Variants in MTHFD1 observed in about 807,000 individuals in gnomAD.
MTHFD1 encodes methylenetetrahydrofolate dehydrogenase, cyclohydrolase and formyltetrahydrofolate synthetase 1.
In MTHFD1, 44 loss-of-function variants were observed where a neutral mutation model predicts 110.3. The observed-to-expected ratio is 0.40, with a 90% CI of 0.31 to 0.51. MTHFD1 has a LOEUF of 0.51. Among genes scored for constraint, MTHFD1 ranks in the 20% least tolerant of loss-of-function variants. The probability of loss-of-function intolerance (pLI) is 0.60; values close to 1 mark genes in which losing one functional copy is unlikely to be tolerated. For missense variants in MTHFD1, 909 were observed against 1,173.1 expected (o/e 0.77, Z 3.29); for synonymous variants, 402 against 428.8 (o/e 0.94, Z 0.77).
chr14:64,450,830 CCTG>C (rs545751844), intron 24 of MTHFD1, among the ~76,000 whole-genome samples: 4,374 of 152,182 alleles, frequency 0.029, 188 homozygotes, highest in African/African-American at 0.1. Flanking sequence ...ACCTCAGCCC[CCTG>C]AGTAGGTGGG....
In MTHFD1 at chr14:64,429,093, G is replaced by T. The variant is rs116188654; in HGVS notation, c.1265-1091G>T. The stretch of plus-strand genomic sequence containing the variant: ...CCTAAAATCCCAGCACTTTGGGAGG[G>T]TGAGGTGGTAGATTACTTGAGGCCA... On this transcript the variant is annotated intron_variant, in intron 12 of 27. Coordinates refer to ENST00000652337, the MANE Select transcript of MTHFD1 (RefSeq NM_005956.4). Among the ~76,000 whole-genome samples, 1,359 of 151,026 alleles carry T rather than the reference G, an allele frequency of 9.0e-3. 17 individuals are homozygous for T. The highest frequency in any genetic ancestry group is 0.032 in the African/African-American group (1,310 of 41,122).
intron 22 of MTHFD1, 55 bp from the exon 23 acceptor site, chr14:64,448,162 C>G: frequency 7.6e-7 from 1 of 1,311,908 alleles, no homozygotes; most frequent in Admixed American, 1.7e-5. Flanking sequence ...GAAGAAGAAC[C>G]TGCAGTGGTT....
intron 22 of MTHFD1, chr14:64,445,103 C>G (rs945187598): frequency 2.8e-6 from 1 of 359,326 alleles, no homozygotes; most frequent in Non-Finnish European, 5.4e-6. Context: ...GGCTAAACAT[C>G]CTTTAATGCA....
chr14:64,440,463 G>T, intron 18 of MTHFD1, 197 bp downstream of exon 18: 1 of 685,970 alleles, frequency 1.5e-6, no homozygotes. Flanking sequence ...TAGCTGGTAT[G>T]CTTTAGTAAT....
At position 64,388,508 on chromosome 14, in the gene MTHFD1, C is replaced by G. The variant is rs772772204; in HGVS notation, c.41+40C>G. Reference sequence around the variant, plus strand: ...TTGTTGTTGAGTGTGGGGCTGTGGACGAGGGCTCTGAGGGTGTGCAGGTCC... The same window carrying G: ...TTGTTGTTGAGTGTGGGGCTGTGGAGGAGGGCTCTGAGGGTGTGCAGGTCC... On this transcript the variant is annotated intron_variant, in intron 1 of 27. Coordinates refer to ENST00000652337, the MANE Select transcript of MTHFD1 (RefSeq NM_005956.4). 5.0e-6 allele frequency: 8 copies of G among 1,592,482 alleles called. No homozygotes were observed. In the African/African-American group the frequency reaches 5.4e-5, roughly 11 times the overall value.
chr14:64,426,452 A>G (rs1035641517), intron 11 of MTHFD1, among the ~76,000 whole-genome samples: 5 of 152,116 alleles, frequency 3.3e-5, no homozygotes, highest in Admixed American at 2.6e-4. Context: ...CTTAAGATAG[A>G]ATCACCTTTT....
At chr14:64,445,014 T>A (rs564482661) in intron 22 of MTHFD1, 28 of 464,764 alleles carry the variant, frequency 6.0e-5, no homozygotes, top group South Asian at 5.8e-4. Context: ...CATTTGGCAA[T>A]GTCTAGAGAC....
At chr14:64,453,569 C>CA (rs1364373979) in intron 24 of MTHFD1, among the ~76,000 whole-genome samples, 185 bp from the exon 25 acceptor site, 4 of 151,794 alleles carry the variant, frequency 2.6e-5, no homozygotes, top group Admixed American at 6.6e-5. Flanking sequence ...AACTCCGTCT[C>CA]AAAAAAACAA....
intron 4 of MTHFD1, among the ~76,000 whole-genome samples, chr14:64,414,979 G>A (rs542115118): frequency 6.6e-5 from 10 of 151,868 alleles, no homozygotes; most frequent in East Asian, 3.9e-4. Flanking sequence ...GTGAACCACC[G>A]CACCCAGCCC....
intron 22 of MTHFD1, chr14:64,445,051 G>C (rs1368895755): frequency 2.5e-6 from 1 of 392,552 alleles, no homozygotes; most frequent in East Asian, 6.1e-5. Context: ...ACTGGAGGTG[G>C]GGAGTGCTAC....
At position 64,431,622 on chromosome 14, in the gene MTHFD1, C is replaced by T. The variant is rs1175457069; in HGVS notation, c.1402C>T (p.Leu468=). 6.2e-7 allele frequency: 1 copy of T among 1,614,120 alleles called. No homozygotes were observed. Among genetic ancestry groups the T allele is most frequent in the Non-Finnish European group, 8.5e-7 (1 of 1,179,988 alleles). ...CATTGATGCTCGGATATTTCATGAA[C>T]TGACCCAGACAGACAAGGTAGGATG... ...AAIDARIFHE[L]TQTDKALFNR... Residue 468 remains leucine (L), a synonymous_variant, in exon 14 of 28, where the codon CTG becomes TTG. Coordinates refer to ENST00000652337, the MANE Select transcript of MTHFD1 (RefSeq NM_005956.4).
chr14:64,425,498 ACCGTGCCCGGC>A (rs1329868690), intron 9 of MTHFD1, among the ~76,000 whole-genome samples: 1 of 152,092 alleles, frequency 6.6e-6, no homozygotes, highest in African/African-American at 2.4e-5. Flanking sequence ...GGTGTGAGCC[ACCGTGCCCGGC>A]CTGTTTTCCC....
intron 26 of MTHFD1, chr14:64,457,861 C>A (rs1009722511): frequency 2.8e-6 from 1 of 354,994 alleles, no homozygotes. Context: ...TATCTTTATG[C>A]CTTGGGCTTT....
In MTHFD1 at chr14:64,418,345, G is replaced by C. The variant is rs1225421912; in HGVS notation, c.615+321G>C. Among the ~76,000 whole-genome samples, 5 of 151,426 alleles carry C rather than the reference G, an allele frequency of 3.3e-5. No individual in the cohort carries two copies. The East Asian group carries it at 9.8e-4, about 30-fold the overall frequency. ...ACATGCCTGTAGTCCCAGCTACTCG[G>C]GAGGTTGAGGCAAGAGGATTGCTTG... On this transcript the variant is annotated intron_variant, in intron 7 of 27. Coordinates refer to ENST00000652337, the MANE Select transcript of MTHFD1 (RefSeq NM_005956.4).
At chr14:64,414,683 G>A (rs1486706135) in intron 4 of MTHFD1, among the ~76,000 whole-genome samples, 1 of 142,420 alleles carries the variant, frequency 7.0e-6, no homozygotes, top group Non-Finnish European at 1.5e-5. Context: ...TTGAGGTGGA[G>A]TTTCACTATT....
At chr14:64,404,473 T>C (rs2077922564) in intron 2 of MTHFD1, among the ~76,000 whole-genome samples, 1 of 152,212 alleles carries the variant, frequency 6.6e-6, no homozygotes, top group South Asian at 2.1e-4. Flanking sequence ...AGTAGGGAGA[T>C]ATTCAATACA....
intron 21 of MTHFD1, among the ~76,000 whole-genome samples, chr14:64,443,897 C>T (rs756071213): frequency 5.3e-5 from 8 of 152,146 alleles, no homozygotes; most frequent in Non-Finnish European, 8.8e-5. Context: ...AGCTTGCTGA[C>T]GGGAAGCTAC....
Position 64,425,753 on chromosome 14 carries a change from T to A in MTHFD1, c.879T>A (p.Arg293=). 2 of 1,613,010 alleles carry A rather than the reference T, an allele frequency of 1.2e-6. No individual in the cohort carries two copies. Among genetic ancestry groups the A allele is most frequent in the Non-Finnish European group, 1.7e-6 (2 of 1,179,954 alleles). ...AGAGCACAGTAGAGAGTGCCAAGCGTTTCCTGGAGAAATTTAAGCCAGGAA... is the reference window on the plus strand; with the variant it reads ...AGAGCACAGTAGAGAGTGCCAAGCGATTCCTGGAGAAATTTAAGCCAGGAA... ...LMQSTVESAK[R]FLEKFKPGKW... Residue 293 remains arginine (R), a synonymous_variant, in exon 10 of 28, where the codon CGT becomes CGA. Coordinates refer to ENST00000652337, the MANE Select transcript of MTHFD1 (RefSeq NM_005956.4).
chr14:64,391,311 T>G (rs1416102543), intron 1 of MTHFD1, among the ~76,000 whole-genome samples: 4 of 152,104 alleles, frequency 2.6e-5, no homozygotes, highest in African/African-American at 4.8e-5. Flanking sequence ...ACTACGGGCA[T>G]GCACTACTAT....
Sources: gnomAD v4.1 joint callset for allele counts (sites outside exome capture counted in the v4.1 genomes callset) on GRCh38, gnomAD v4.1.1 for gene constraint, MANE v1.5 for transcripts, NCBI Gene and HGNC (gene_info 2026-07-23, HGNC 2026-07-21) for gene names.